Variants in BLTP1 observed in about 807,000 individuals in gnomAD.
BLTP1 encodes the protein fragile site-associated protein.
the BLTP1 span, chr4:122,298,178 ATTAT>A: frequency 1.3e-6 from 1 of 771,482 alleles, no homozygotes; most frequent in Non-Finnish European, 1.6e-6. Context: ...AATACTATTT[ATTAT>A]TTAATTGAAT....
the BLTP1 span, among the ~76,000 whole-genome samples, chr4:122,230,547 A>G: frequency 6.6e-6 from 1 of 152,114 alleles, no homozygotes; most frequent in Non-Finnish European, 1.5e-5. Context: ...ACAGCTCTCC[A>G]CTTTCAAGTC....
chr4:122,262,184 GTGTA>G, the BLTP1 span, among the ~76,000 whole-genome samples: 19 of 151,092 alleles, frequency 1.3e-4, no homozygotes, highest in Middle Eastern at 3.4e-3. Flanking sequence ...GTGTGTGTGT[GTGTA>G]TAGTAAGTTT....
chr4:122,187,434 TAAAGTA>T, the BLTP1 span: 1 of 1,611,304 alleles, frequency 6.2e-7, no homozygotes, highest in African/African-American at 1.3e-5. Flanking sequence ...TTGTTAGAGT[TAAAGTA>T]AAAACAGAAT....
chr4:122,229,974 C>T, the BLTP1 span: 14 of 1,613,686 alleles, frequency 8.7e-6, no homozygotes, highest in South Asian at 3.3e-5. Context: ...CACAATCAAT[C>T]GGTTGGGGAA....
At chr4:122,360,025 G>C in the BLTP1 span, 1 of 985,358 alleles carries the variant, frequency 1.0e-6, no homozygotes, top group Admixed American at 6.1e-5. Flanking sequence ...TTCTCACCAA[G>C]ATGTTATTTT....
chr4:122,193,711 C>G, the BLTP1 span: 1 of 907,628 alleles, frequency 1.1e-6, no homozygotes, highest in Non-Finnish European at 1.3e-6. Flanking sequence ...TAGAGAAATA[C>G]AAGCCAAGTC....
the BLTP1 span, among the ~76,000 whole-genome samples, chr4:122,198,686 G>A: frequency 1.3e-5 from 2 of 152,036 alleles, no homozygotes; most frequent in South Asian, 2.1e-4. Flanking sequence ...CAGGTTTTGG[G>A]TATAGAGGTT....
the BLTP1 span, among the ~76,000 whole-genome samples, chr4:122,184,188 G>C: frequency 6.6e-6 from 1 of 152,126 alleles, no homozygotes; most frequent in Non-Finnish European, 1.5e-5. Context: ...GAAATATTGG[G>C]CCTGCTCAAA....
chr4:122,355,538 T>C, the BLTP1 span, among the ~76,000 whole-genome samples: 7 of 149,366 alleles, frequency 4.7e-5, no homozygotes, highest in East Asian at 5.8e-4. Context: ...GCTACTGATA[T>C]AGATATACTA....
At chr4:122,224,606 G>A in the BLTP1 span, 1 of 1,614,078 alleles carries the variant, frequency 6.2e-7, no homozygotes, top group East Asian at 2.2e-5. Flanking sequence ...TTTGGGAAGC[G>A]ATTCCTTAGA....
the BLTP1 span, chr4:122,359,993 C>G: frequency 1.0e-6 from 1 of 985,360 alleles, no homozygotes; most frequent in Non-Finnish European, 1.2e-6. Flanking sequence ...TGTCCTTCCA[C>G]TGTTGCCACT....
chr4:122,178,588 T>C, the BLTP1 span, among the ~76,000 whole-genome samples: 1 of 152,188 alleles, frequency 6.6e-6, no homozygotes, highest in Admixed American at 6.5e-5. Flanking sequence ...GAGAAAGGTA[T>C]TAATTTCTGA....
the BLTP1 span, among the ~76,000 whole-genome samples, chr4:122,242,255 A>C: frequency 6.6e-6 from 1 of 152,202 alleles, no homozygotes; most frequent in Non-Finnish European, 1.5e-5. Flanking sequence ...CAGATAAAGA[A>C]AATGTAGTAT....
At chr4:122,340,726 A>G in the BLTP1 span, 3 of 985,058 alleles carry the variant, frequency 3.0e-6, no homozygotes, top group African/African-American at 5.2e-5. Context: ...TTAGCTTCAA[A>G]ATATTGCTGT....
the BLTP1 span, among the ~76,000 whole-genome samples, chr4:122,330,428 GT>G: frequency 8.6e-5 from 13 of 151,636 alleles, no homozygotes; most frequent in African/African-American, 3.1e-4. Flanking sequence ...ATGTTACCAG[GT>G]ATGAAGTCAT....
chr4:122,266,664 G>A, the BLTP1 span: 1 of 873,546 alleles, frequency 1.1e-6, no homozygotes, highest in Non-Finnish European at 1.6e-6. Flanking sequence ...TTCACACTAT[G>A]ATAATAATAA....
the BLTP1 span, among the ~76,000 whole-genome samples, chr4:122,320,901 T>C: frequency 6.6e-6 from 1 of 152,054 alleles, no homozygotes; most frequent in East Asian, 1.9e-4. Flanking sequence ...TTTCTGCCTT[T>C]TGTGGTTTTA....
chr4:122,221,728 G>GT, the BLTP1 span: 1 of 906,052 alleles, frequency 1.1e-6, no homozygotes, highest in Non-Finnish European at 1.3e-6. Context: ...AGAATCGGTT[G>GT]TTTTTTATTC....
chr4:122,297,700 A>G, the BLTP1 span, among the ~76,000 whole-genome samples: 1 of 152,250 alleles, frequency 6.6e-6, no homozygotes, highest in Non-Finnish European at 1.5e-5. Context: ...AATGTGGTAT[A>G]TATACACCAT....
Sources: allele counts gnomAD v4.1 joint callset (sites outside exome capture counted in the v4.1 genomes callset), GRCh38; gene constraint gnomAD v4.1.1; transcripts MANE v1.5; gene names NCBI Gene and HGNC (gene_info 2026-07-23, HGNC 2026-07-21).